The following FLNB variants were observed in gnomAD, a reference collection of about 807,000 sequenced individuals.
FLNB encodes filamin-B.
In FLNB, 111 loss-of-function variants were observed where a neutral mutation model predicts 250.6. The ratio of observed to expected loss-of-function variants is 0.44; its 90% CI spans 0.38 to 0.52. The LOEUF is 0.52. Among genes scored for constraint, FLNB ranks in the 20% least tolerant of loss-of-function variants. FLNB has a pLI of 0.00. For synonymous variants in FLNB, 1,302 were observed against 1,372.1 expected, an observed-to-expected ratio of 0.95 and a Z score of 1.13; for missense variants, 2,869 against 3,447.8, an observed-to-expected ratio of 0.83 and a Z score of 4.20.
intron 12 of FLNB, 108 bp downstream of exon 12, chr3:58,106,981 A>G (rs1353207019): frequency 4.8e-5 from 40 of 833,472 alleles, no homozygotes; most frequent in Non-Finnish European, 6.5e-5. Flanking sequence ...GAGAGGAATC[A>G]TTTGGATTTT....
At chr3:58,135,592 A>T (rs2097314559) in intron 27 of FLNB, among the ~76,000 whole-genome samples, 1 of 152,208 alleles carries the variant, frequency 6.6e-6, no homozygotes, top group South Asian at 2.1e-4. Flanking sequence ...GGATGCTAGG[A>T]AGTGGATTCC....
intron 41 of FLNB, 127 bp from the exon 42 acceptor site, chr3:58,159,427 T>C: frequency 1.1e-6 from 1 of 928,736 alleles, no homozygotes; most frequent in Middle Eastern, 2.4e-4. Context: ...TGCCCTTTGT[T>C]GTCATATGTT....
intron 1 of FLNB, among the ~76,000 whole-genome samples, chr3:58,071,946 T>C (rs1038193282): frequency 7.9e-5 from 12 of 152,314 alleles, no homozygotes; most frequent in Non-Finnish European, 1.3e-4. Flanking sequence ...GAAGATTGCC[T>C]AAAAATAGCC....
chr3:58,115,633 C>T (rs1039209486), intron 18 of FLNB, among the ~76,000 whole-genome samples: 3 of 152,188 alleles, frequency 2.0e-5, no homozygotes, highest in Non-Finnish European at 4.4e-5. Context: ...ATCCAGTTCT[C>T]TGATAGCAGC....
chr3:58,134,808 C>T lies in FLNB; in HGVS notation c.4671+36C>T, dbSNP rs199731792. 379 of 1,590,934 alleles carry T rather than the reference C, an allele frequency of 2.4e-4. 1 individual carries two copies. Among genetic ancestry groups the T allele is most frequent in the Middle Eastern group, 6.6e-4 (4 of 6,032 alleles). On this transcript the variant is annotated intron_variant, in intron 27 of 45. Coordinates refer to ENST00000295956, the MANE Select transcript of FLNB (RefSeq NM_001457.4). Reference sequence around the variant, plus strand: ...GTTATTTTCTGAGCCAAACCTTAATCCTAAGACTTAATTTCTGGGCCAGAT... The same window carrying T: ...GTTATTTTCTGAGCCAAACCTTAATTCTAAGACTTAATTTCTGGGCCAGAT...
At position 58,163,142 on chromosome 3, in the gene FLNB, T is replaced by A. The variant is rs1405619909; in HGVS notation, c.7022-12T>A. 1 of 1,613,846 alleles carries A rather than the reference T, an allele frequency of 6.2e-7. No homozygotes were observed. The highest frequency in any genetic ancestry group is 8.5e-7 in the Non-Finnish European group (1 of 1,179,850). On this transcript the variant is annotated splice_polypyrimidine_tract_variant and intron_variant, in intron 42 of 45. Coordinates refer to ENST00000295956, the MANE Select transcript of FLNB (RefSeq NM_001457.4). Reference sequence around the variant, plus strand: ...GCTTGATTTCACCCTGTGCCTTTGCTCATTCTCCTAGATAAGTATGCTGTT... The same window carrying A: ...GCTTGATTTCACCCTGTGCCTTTGCACATTCTCCTAGATAAGTATGCTGTT...
chr3:58,054,437 T>C (rs1358909248), intron 1 of FLNB, among the ~76,000 whole-genome samples: 1 of 152,130 alleles, frequency 6.6e-6, no homozygotes, highest in African/African-American at 2.4e-5. Context: ...TGTGAAGAAA[T>C]ACCTGAGACT....
At chr3:58,143,757 A>G in intron 32 of FLNB, 144 bp downstream of exon 32, 1 of 976,218 alleles carries the variant, frequency 1.0e-6, no homozygotes, top group Non-Finnish European at 1.6e-6. Flanking sequence ...GAAACCAAAC[A>G]GTCTGGGACC....
chr3:58,023,989 A>G lies in FLNB; in HGVS notation c.292+15133A>G, dbSNP rs539509055. Among the ~76,000 whole-genome samples the G allele has an allele frequency of 7.9e-5, 12 of 152,302 alleles. No individual in the cohort carries two copies. In the South Asian group the frequency reaches 8.3e-4, roughly 11 times the overall value. On this transcript the variant is annotated intron_variant, in intron 1 of 45. Transcript: ENST00000295956. Reference sequence around the variant, plus strand: ...GTTTCAGATGTGAGCCTGACAATGTACTTGGGCAGCTTGGTTCACCCTTGA... The same window carrying G: ...GTTTCAGATGTGAGCCTGACAATGTGCTTGGGCAGCTTGGTTCACCCTTGA...
chr3:58,136,523 T>G (rs1295580531), intron 28 of FLNB, among the ~76,000 whole-genome samples: 2 of 152,186 alleles, frequency 1.3e-5, no homozygotes, highest in East Asian at 1.9e-4. Context: ...CATTTCTGCC[T>G]TTTATGAGTA....
At chr3:58,014,474 A>T (rs574778776) in intron 1 of FLNB, among the ~76,000 whole-genome samples, 57 of 152,352 alleles carry the variant, frequency 3.7e-4, no homozygotes. Flanking sequence ...TTCTCCCAGC[A>T]ACGGCGGAGC....
intron 4 of FLNB, among the ~76,000 whole-genome samples, chr3:58,082,519 T>G (rs6768856): frequency 7.6e-4 from 115 of 151,956 alleles, no homozygotes; most frequent in African/African-American, 2.5e-3. Context: ...GCCTATAATC[T>G]CAGCACTTTG....
chr3:58,131,393 A>G (rs2097307127), intron 25 of FLNB, among the ~76,000 whole-genome samples: 1 of 152,160 alleles, frequency 6.6e-6, no homozygotes, highest in South Asian at 2.1e-4. Flanking sequence ...GTCTTGGGGA[A>G]TGGGCTTTGT....
In FLNB at chr3:58,075,689, A is replaced by G. The variant is rs2097200737; in HGVS notation, c.293-1357A>G. On this transcript the variant is annotated intron_variant, in intron 1 of 45. Transcript: ENST00000295956. ...GGCTTCAAGGCTATCAAAGACAAAAATGTTTATTGGGAGGGTATAGAAAAG... is the reference window on the plus strand; with the variant it reads ...GGCTTCAAGGCTATCAAAGACAAAAGTGTTTATTGGGAGGGTATAGAAAAG... Among the ~76,000 whole-genome samples, 3 of 152,154 alleles carry G rather than the reference A, an allele frequency of 2.0e-5. No individual in the cohort carries two copies. The South Asian group carries it at 6.2e-4, about 32-fold the overall frequency.
intron 12 of FLNB, among the ~76,000 whole-genome samples, chr3:58,107,996 G>A (rs1024137699): frequency 7.2e-5 from 11 of 152,200 alleles, no homozygotes; most frequent in African/African-American, 1.4e-4. Flanking sequence ...GGGAGCATGG[G>A]TTAGTTTGGG....
At chr3:58,112,358 A>G in intron 18 of FLNB, 40 bp downstream of exon 18, 1 of 1,601,424 alleles carries the variant, frequency 6.2e-7, no homozygotes, top group Non-Finnish European at 8.5e-7. Flanking sequence ...GCCCCCAGCC[A>G]GGCCCCTTTC....
At chr3:58,144,554 T>C (rs530120923) in intron 32 of FLNB, among the ~76,000 whole-genome samples, 5 of 152,324 alleles carry the variant, frequency 3.3e-5, no homozygotes, top group African/African-American at 1.2e-4. Flanking sequence ...CCAGTGTTGC[T>C]GCGCAAATCG....
rs533131513 is a variant in FLNB at position 58,078,109 on chromosome 3, T to C, written c.542-608T>C. On this transcript the variant is annotated intron_variant, in intron 2 of 45. Coordinates refer to ENST00000295956, the MANE Select transcript of FLNB (RefSeq NM_001457.4). ...GTTGGGTAGGGGAGGGCTGAAGGCC[T>C]CATTCTTACTTGAGAGCCTATAAGT... is the stretch of plus-strand genomic sequence containing the variant. 5.1e-5 allele frequency: 11 copies of C among 215,448 alleles called. No individual in the cohort carries two copies. The South Asian group carries it at 1.7e-3, about 33-fold the overall frequency. The allele number at this position is 215,448 out of a possible 1,614,324, so 13.3% of individuals were successfully genotyped here.
intron 4 of FLNB, among the ~76,000 whole-genome samples, chr3:58,083,239 CTTTTTTTTTT>C (rs71091340): frequency 1.5e-5 from 2 of 136,452 alleles, no homozygotes; most frequent in Non-Finnish European, 3.1e-5. Flanking sequence ...TTTCCCCAAA[CTTTTTTTTTT>C]TTTTTTTTAA....
Sources: allele counts gnomAD v4.1 joint callset (sites outside exome capture counted in the v4.1 genomes callset), GRCh38; gene constraint gnomAD v4.1.1; transcripts MANE v1.5; gene names NCBI Gene and HGNC (gene_info 2026-07-23, HGNC 2026-07-21).